Variants in IGF1R observed in about 807,000 individuals in gnomAD.
IGF1R encodes insulin-like growth factor 1 receptor.
A neutral mutation model predicts 144.6 loss-of-function variants in IGF1R; 44 were observed. The ratio of observed to expected loss-of-function variants is 0.30; its 90% CI spans 0.24 to 0.39. The LOEUF is 0.39. IGF1R is among the 10% of genes least tolerant of loss of function. The pLI is 1.00. For missense variants in IGF1R, 1,355 were observed against 1,833.7 expected (o/e 0.74, Z 4.77); for synonymous variants, 795 against 722.8 (o/e 1.10, Z -1.60).
At chr15:98,882,171 T>C (rs1364016487) in intron 2 of IGF1R, among the ~76,000 whole-genome samples, 1 of 152,212 alleles carries the variant, frequency 6.6e-6, no homozygotes, top group Non-Finnish European at 1.5e-5. Context: ...GCGTGAGTGG[T>C]GACTGAGTAA....
chr15:98,792,028 G>A (rs1191718015), intron 2 of IGF1R, among the ~76,000 whole-genome samples: 1 of 152,144 alleles, frequency 6.6e-6, no homozygotes, highest in African/African-American at 2.4e-5. Context: ...CCTGTTTGTG[G>A]GGCCCAGCAG....
chr15:98,660,984 G>C (rs1037426061), intron 1 of IGF1R, among the ~76,000 whole-genome samples: 9 of 152,170 alleles, frequency 5.9e-5, no homozygotes, highest in Non-Finnish European at 1.0e-4. Flanking sequence ...AGTTGGGTGG[G>C]TAGGGTACTT....
intron 5 of IGF1R, among the ~76,000 whole-genome samples, chr15:98,906,865 C>A (rs989298213): frequency 6.6e-6 from 1 of 152,202 alleles, no homozygotes; most frequent in Non-Finnish European, 1.5e-5. Flanking sequence ...CTCTGTCTTT[C>A]GACTCACTTG....
rs758068127 is a variant in IGF1R, at chr15:98,929,626, T to C, written c.2851T>C (p.Leu951=). The C allele has an allele frequency of 3.1e-6, 5 of 1,613,952 alleles. No homozygotes were observed. The highest frequency in any genetic ancestry group is 4.2e-6 in the Non-Finnish European group (5 of 1,179,912). ...PVAVLLIVGG[L]VIMLYVFHRK... ...CGCTGTCCTGTTGATCGTGGGAGGGTTGGTGATTATGCTGTACGTCTTCCA... is the reference window on the plus strand; with the variant it reads ...CGCTGTCCTGTTGATCGTGGGAGGGCTGGTGATTATGCTGTACGTCTTCCA... Residue 951 remains leucine (L), a synonymous_variant, in exon 14 of 21, where the codon TTG becomes CTG. Transcript: ENST00000650285.
chr15:98,663,421 A>G (rs1020871231), intron 1 of IGF1R, among the ~76,000 whole-genome samples: 1 of 152,218 alleles, frequency 6.6e-6, no homozygotes, highest in Admixed American at 6.5e-5. Context: ...GCAGTGTTCA[A>G]CTTTTTTAAA....
intron 1 of IGF1R, among the ~76,000 whole-genome samples, chr15:98,684,775 G>A (rs1425306062): frequency 6.6e-6 from 1 of 152,120 alleles, no homozygotes; most frequent in East Asian, 1.9e-4. Flanking sequence ...GCTTCAGGAA[G>A]TCTGGGCTTG....
chr15:98,850,272 A>G (rs1048647086), intron 2 of IGF1R, among the ~76,000 whole-genome samples: 1 of 152,140 alleles, frequency 6.6e-6, no homozygotes, highest in African/African-American at 2.4e-5. Context: ...TTGAGCGGAG[A>G]CCTGAATGAA....
chr15:98,812,224 C>T (rs558996685), intron 2 of IGF1R, among the ~76,000 whole-genome samples: 2 of 152,260 alleles, frequency 1.3e-5, no homozygotes, highest in African/African-American at 4.8e-5. Flanking sequence ...ATTGTGTTAT[C>T]GTCCTGAAGC....
intron 2 of IGF1R, among the ~76,000 whole-genome samples, chr15:98,858,808 T>A (rs1005895542): frequency 3.3e-5 from 5 of 152,258 alleles, no homozygotes; most frequent in Non-Finnish European, 2.9e-5. Flanking sequence ...ACCCTGCTTT[T>A]ATTTTTGAAC....
intron 1 of IGF1R, among the ~76,000 whole-genome samples, chr15:98,669,701 C>T (rs1357110455): frequency 6.6e-6 from 1 of 152,228 alleles, no homozygotes; most frequent in Non-Finnish European, 1.5e-5. Context: ...CTCTGGGCAG[C>T]CTTGTCAGGT....
chr15:98,912,564 G>A (rs1239010648), intron 7 of IGF1R, among the ~76,000 whole-genome samples: 1 of 152,136 alleles, frequency 6.6e-6, no homozygotes, highest in Non-Finnish European at 1.5e-5. Flanking sequence ...AAGGCAATCT[G>A]GAAACTAAAT....
intron 2 of IGF1R, among the ~76,000 whole-genome samples, chr15:98,837,710 T>C (rs1319499845): frequency 1.3e-5 from 2 of 152,220 alleles, no homozygotes; most frequent in Non-Finnish European, 2.9e-5. Context: ...ATTACTGCCA[T>C]GCTTTAATGG....
At chr15:98,657,171 A>G (rs1240964454) in intron 1 of IGF1R, among the ~76,000 whole-genome samples, 1 of 152,252 alleles carries the variant, frequency 6.6e-6, no homozygotes, top group African/African-American at 2.4e-5. Context: ...TAAGTCAGCC[A>G]AAGTTTAGTC....
rs1358391453 is a variant in IGF1R, at chr15:98,648,857, G to T, written c.-725G>T. The T allele has an allele frequency of 6.9e-6, 1 of 145,820 alleles. No individual in the cohort carries two copies. The allele number at this position is 145,820 out of a possible 1,614,324, so 9.0% of individuals were successfully genotyped here. A position where few individuals can be genotyped will look rare whatever the true frequency, so the allele number is the denominator to read the frequency against. On this transcript the variant is annotated 5_prime_UTR_variant, in exon 1 of 21. Coordinates refer to ENST00000650285, the MANE Select transcript of IGF1R (RefSeq NM_000875.5). Reference sequence around the variant, plus strand: ...CCCCGCGCAGAGCAGGCGGCGGCGGGCGGGGGCCGGGCGGGGGCCGGCGCG... The same window carrying T: ...CCCCGCGCAGAGCAGGCGGCGGCGGTCGGGGGCCGGGCGGGGGCCGGCGCG...
chr15:98,772,510 A>ATTATTATTATTATTATTATTG lies in IGF1R; in HGVS notation c.640+64408_640+64409insATTATTATTATTATTGTTATT, dbSNP rs60796484. Among the ~76,000 whole-genome samples, 342 of 141,936 alleles carry ATTATTATTATTATTATTATTG rather than the reference A, an allele frequency of 2.4e-3. 1 individual carries two copies. The highest frequency in any genetic ancestry group is 0.011 in the Middle Eastern group (3 of 274). The allele number at this position is 141,936 out of a possible 152,430, so 93.1% of individuals were successfully genotyped here. On this transcript the variant is annotated intron_variant, in intron 2 of 20. Coordinates refer to ENST00000650285, the MANE Select transcript of IGF1R (RefSeq NM_000875.5). The stretch of plus-strand genomic sequence containing the variant: ...TATTATTATTATTATTATTATTATT[A>ATTATTATTATTATTATTATTG]TTATTTTAAGAATTAGGTCTCTGTT...
At chr15:98,687,255 C>G (rs1371185588) in intron 1 of IGF1R, among the ~76,000 whole-genome samples, 1 of 152,148 alleles carries the variant, frequency 6.6e-6, no homozygotes, top group Non-Finnish European at 1.5e-5. Context: ...AGTGCCTAAA[C>G]TTAAGAGAAA....
chr15:98,680,442 A>G (rs1404737003), intron 1 of IGF1R, among the ~76,000 whole-genome samples: 2 of 150,766 alleles, frequency 1.3e-5, no homozygotes, highest in African/African-American at 2.4e-5. Context: ...AATTTTTTGT[A>G]TTTTTAGTGG....
At chr15:98,956,333 G>T (rs567836045) in intron 20 of IGF1R, among the ~76,000 whole-genome samples, 1 of 152,230 alleles carries the variant, frequency 6.6e-6, no homozygotes. Context: ...TCGTGCCCAG[G>T]GCTCTCCTTG....
chr15:98,939,343 T>A lies in IGF1R; in HGVS notation c.3440T>A (p.Phe1147Tyr), dbSNP rs900954701. Reference sequence around the variant, plus strand: ...CGGAATTGCATGGTAGCCGAAGATTTCACAGTCAAAATCGGAGGTGTGTCC... The same window carrying A: ...CGGAATTGCATGGTAGCCGAAGATTACACAGTCAAAATCGGAGGTGTGTCC... ...AARNCMVAEDFTVKIGDFGMT... is the reference protein window; with the variant it reads ...AARNCMVAEDYTVKIGDFGMT... Residue 1147 changes from phenylalanine (F) to tyrosine (Y), a missense_variant, in exon 18 of 21, where the codon TTC becomes TAC. Phe to Tyr is a conservative substitution (Grantham distance 22). This residue lies in a region of IGF1R where 77 missense variants were observed against 163.2 expected (regional missense o/e 0.47). Transcript: ENST00000650285. 1 of 1,614,136 alleles carries A rather than the reference T, an allele frequency of 6.2e-7. No homozygotes were observed. The highest frequency in any genetic ancestry group is 8.5e-7 in the Non-Finnish European group (1 of 1,180,028).
Sources: allele counts gnomAD v4.1 joint callset (sites outside exome capture counted in the v4.1 genomes callset), GRCh38; gene constraint gnomAD v4.1.1; regional missense constraint gnomAD v4.1.1; transcripts MANE v1.5; gene names NCBI Gene and HGNC (gene_info 2026-07-23, HGNC 2026-07-21).